MAN2A2: variants seen among roughly 807,000 people sequenced by gnomAD.
MAN2A2 encodes mannosidase alpha class 2A member 2, also known as alpha-mannosidase 2x.
MAN2A2 carries 79 observed loss-of-function variants against 126.8 expected under a neutral mutation model. The observed-to-expected ratio is 0.62, with a 90% CI of 0.52 to 0.75. The LOEUF (loss-of-function observed/expected upper bound fraction) is 0.75. Among genes scored for constraint, MAN2A2 ranks in the 30% least tolerant of loss-of-function variants. The pLI, the probability that MAN2A2 is intolerant of heterozygous loss-of-function variation, is 0.00. For synonymous variants in MAN2A2, 671 were observed against 618.7 expected (o/e 1.08, Z -1.25); for missense variants, 1,392 against 1,522.4 (o/e 0.91, Z 1.43).
chr15:90,911,132 C>G, intron 12 of MAN2A2, 39 bp from the exon 13 acceptor site: 1 of 1,606,240 alleles, frequency 6.2e-7, no homozygotes, highest in Non-Finnish European at 8.5e-7. Context: ...GGAGGCTGAG[C>G]CCATGATGGT....
Position 90,905,257 on chromosome 15 carries a change from A to G in MAN2A2, c.139A>G (p.Ile47Val), listed in dbSNP as rs1293717704. ...QNGGNFPRSQ[I>V]SVLQNRIEQL... The stretch of plus-strand genomic sequence containing the variant: ...CTTTCTGGTTTTTTGGCAGAGCCAA[A>G]TTTCTGTGCTGCAGAACCGCATTGA... Residue 47 changes from isoleucine to valine, a missense_variant, in exon 3 of 23, where the codon ATT becomes GTT. By Grantham distance (29) the Ile-to-Val change is conservative (BLOSUM62 3). Coordinates refer to ENST00000559717, the MANE Select transcript of MAN2A2 (RefSeq NM_006122.4). 3 of 1,611,936 alleles carry G rather than the reference A, an allele frequency of 1.9e-6. No individual in the cohort carries two copies. Among genetic ancestry groups the G allele is most frequent in the African/African-American group, 2.7e-5 (2 of 74,890 alleles).
At position 90,910,186 on chromosome 15, in the gene MAN2A2, G is replaced by A. The variant is rs917660887; in HGVS notation, c.1471G>A (p.Gly491Arg). 9.3e-6 allele frequency: 15 copies of A among 1,614,066 alleles called. No homozygotes were observed. Among genetic ancestry groups the A allele is most frequent in the East Asian group, 2.2e-5 (1 of 44,898 alleles). ...ARPPGFPVLS[G>R]DFFSYADRED... ...GCCTCCAGGGTTTCCTGTGCTGAGCGGGGATTTCTTCTCCTATGCGGACCG... is the reference window on the plus strand; with the variant it reads ...GCCTCCAGGGTTTCCTGTGCTGAGCAGGGATTTCTTCTCCTATGCGGACCG... Residue 491 changes from glycine to arginine, a missense_variant, in exon 10 of 23, where the codon GGG becomes AGG. Transcript: ENST00000559717.
intron 1 of MAN2A2, chr15:90,903,679 T>TAAA (rs1231562787): frequency 5.7e-5 from 13 of 228,100 alleles, no homozygotes; most frequent in African/African-American, 2.9e-4. Context: ...TCTTCTTTAT[T>TAAA]AGAAAGAAAC....
At position 90,921,944 on chromosome 15, in the gene MAN2A2, C is replaced by T. The variant is rs2035561471; in HGVS notation, c.*2157C>T. On this transcript the variant is annotated 3_prime_UTR_variant, in exon 23 of 23. Coordinates refer to ENST00000559717, the MANE Select transcript of MAN2A2 (RefSeq NM_006122.4). ...AAAAAACCACTAAGTTAGATCTCTACCTCACAGTGTCCATACAAATTAGTT... is the reference window on the plus strand; with the variant it reads ...AAAAAACCACTAAGTTAGATCTCTATCTCACAGTGTCCATACAAATTAGTT... 6.6e-6 allele frequency: 1 copy of T among 151,998 alleles called. No individual in the cohort carries two copies. The highest frequency in any genetic ancestry group is 1.5e-5 in the Non-Finnish European group (1 of 67,988). 9.4% of individuals were successfully genotyped at this position (151,998 alleles called of 1,614,324 possible).
intron 8 of MAN2A2, among the ~76,000 whole-genome samples, chr15:90,907,702 C>A (rs2034411857): frequency 6.6e-6 from 1 of 152,252 alleles, no homozygotes; most frequent in Non-Finnish European, 1.5e-5. Flanking sequence ...ATGAGTACTT[C>A]TTGATGCCCT....
At chr15:90,907,250 GC>G in intron 7 of MAN2A2, 58 bp from the exon 8 acceptor site, 1 of 1,531,026 alleles carries the variant, frequency 6.5e-7, no homozygotes. Flanking sequence ...ACAGATCCTT[GC>G]CCCCCTGGCG....
At chr15:90,919,184 G>A (rs1408580807) in intron 22 of MAN2A2, among the ~76,000 whole-genome samples, 2 of 152,212 alleles carry the variant, frequency 1.3e-5, no homozygotes, top group Non-Finnish European at 2.9e-5. Context: ...CCAGAGATCT[G>A]TAGGCAGGCT....
At position 90,909,534 on chromosome 15, in the gene MAN2A2, C is replaced by T. The variant is rs777053149; in HGVS notation, c.1374+30C>T. Reference sequence around the variant, plus strand: ...GAGGGGCACTTGACTGGGGAGGGGCCTCACAGTGCTGCAGCCCATCCCTTC... The same window carrying T: ...GAGGGGCACTTGACTGGGGAGGGGCTTCACAGTGCTGCAGCCCATCCCTTC... On this transcript the variant is annotated intron_variant, in intron 9 of 22. Coordinates refer to ENST00000559717, the MANE Select transcript of MAN2A2 (RefSeq NM_006122.4). 7 of 1,594,772 alleles carry T rather than the reference C, an allele frequency of 4.4e-6. No homozygotes were observed. The African/African-American group carries it at 6.7e-5, about 15-fold the overall frequency.
intron 1 of MAN2A2, 108 bp from the exon 2 acceptor site, chr15:90,904,082 A>AT: frequency 8.0e-7 from 1 of 1,247,388 alleles, no homozygotes; most frequent in Admixed American, 1.7e-5. Flanking sequence ...AGCCAGGCAA[A>AT]TGGGTGTTCC....
rs941165772 is a variant in MAN2A2, at chr15:90,913,854, T to C, written c.2860+99T>C. ...GCTCTGTTGGCCTCCCTTGCCTCTT[T>C]CTGGACTGCATCACCTCCATGCTTG... On this transcript the variant is annotated intron_variant, in intron 19 of 22. Coordinates refer to ENST00000559717, the MANE Select transcript of MAN2A2 (RefSeq NM_006122.4). 4.3e-6 allele frequency: 6 copies of C among 1,410,962 alleles called. No homozygotes were observed. The African/African-American group carries it at 5.8e-5, about 14-fold the overall frequency. 87.4% of individuals were successfully genotyped at this position (1,410,962 alleles called of 1,614,324 possible).
chr15:90,910,429 G>A, intron 10 of MAN2A2, 72 bp from the exon 11 acceptor site: 1 of 1,585,878 alleles, frequency 6.3e-7, no homozygotes, highest in East Asian at 2.2e-5. Context: ...AAGGAAGGAG[G>A]CTGCACTGGC....
At chr15:90,916,527 G>A in intron 20 of MAN2A2, 1 of 1,406,002 alleles carries the variant, frequency 7.1e-7, no homozygotes, top group Non-Finnish European at 9.5e-7. Flanking sequence ...CCCTGTCCCA[G>A]CATTCTCTAA....
chr15:90,913,789 CA>C, intron 19 of MAN2A2, 34 bp downstream of exon 19: 1 of 1,554,990 alleles, frequency 6.4e-7, no homozygotes, highest in Non-Finnish European at 8.7e-7. Flanking sequence ...CAGAGGGTAT[CA>C]GACAAAAAGA....
chr15:90,913,559 G>T, intron 18 of MAN2A2, 55 bp from the exon 19 acceptor site: 2 of 1,578,508 alleles, frequency 1.3e-6, no homozygotes. Flanking sequence ...TCTGGGGACC[G>T]CTTGGGCCCA....
intron 20 of MAN2A2, 34 bp downstream of exon 20, chr15:90,916,290 T>C: frequency 6.2e-7 from 1 of 1,606,882 alleles, no homozygotes; most frequent in South Asian, 1.1e-5. Flanking sequence ...GGGAGCCAGG[T>C]CTGGCTAGTC....
rs1596160138 is a variant in MAN2A2, at chr15:90,911,688, GT to G, written c.2109+140del. The G allele has an allele frequency of 8.1e-6, 8 of 991,916 alleles. No homozygotes were observed. In the East Asian group the frequency reaches 2.1e-4, roughly 26 times the overall value. The allele number at this position is 991,916 out of a possible 1,614,324, so 61.4% of individuals were successfully genotyped here. On this transcript the variant is annotated intron_variant, in intron 14 of 22. Transcript: ENST00000559717. ...TGAGGACAAGTGTCCTGGGGAGGGG[GT>G]TGTCCAGAAGACAGGCACTCTTGGG... is the stretch of plus-strand genomic sequence containing the variant.
In MAN2A2 at chr15:90,916,133, G is replaced by A; in HGVS notation, c.2871G>A (p.Glu957=). ...GVSSLKDGQL[E]VILDRRLMQD... ...TGTTTGCTTCCCCAGGCCAGCTGGA[G>A]GTGATCTTGGACCGGCGGCTGATGC... Residue 957 remains glutamate (E), a synonymous_variant, in exon 20 of 23, where the codon GAG becomes GAA. Transcript: ENST00000559717. 1 of 1,614,114 alleles carries A rather than the reference G, an allele frequency of 6.2e-7. No homozygotes were observed. Among genetic ancestry groups the A allele is most frequent in the East Asian group, 2.2e-5 (1 of 44,882 alleles).
At position 90,910,621 on chromosome 15, in the gene MAN2A2, C is replaced by A; in HGVS notation, c.1698C>A (p.Phe566Leu). 1 of 1,614,176 alleles carries A rather than the reference C, an allele frequency of 6.2e-7. No individual in the cohort carries two copies. The change falls in exon 11 of 23, where the codon TTC becomes TTA. Residue 566 changes from phenylalanine (F) to leucine (L), a missense_variant. Phe to Leu is a conservative substitution (Grantham distance 22). Transcript: ENST00000559717. ...LTEARRTLGL[F>L]QHHDAITGTA... The stretch of plus-strand genomic sequence containing the variant: ...AAGCTCGGCGCACATTGGGGCTCTT[C>A]CAGCATCACGATGCCATCACTGGCA...
At chr15:90,905,530 GACGT>G in intron 3 of MAN2A2, 22 bp downstream of exon 3, 1 of 1,614,140 alleles carries the variant, frequency 6.2e-7, no homozygotes, top group South Asian at 1.1e-5. Flanking sequence ...AGCTGGCAGG[GACGT>G]ACAGTGGCCA....
Sources: gnomAD v4.1 joint callset for allele counts (sites outside exome capture counted in the v4.1 genomes callset) on GRCh38, gnomAD v4.1.1 for gene constraint, MANE v1.5 for transcripts, NCBI Gene and HGNC (gene_info 2026-07-23, HGNC 2026-07-21) for gene names.